SNTG1: variants seen among roughly 807,000 people sequenced by gnomAD.
SNTG1 encodes the protein gamma-1-syntrophin.
SNTG1 carries 39 observed loss-of-function variants against 74.7 expected under a neutral mutation model. The observed-to-expected ratio is 0.52, with a 90% confidence interval of 0.40 to 0.68. The LOEUF (loss-of-function observed/expected upper bound fraction) is 0.68, where lower values mean the gene tolerates loss of function less well. SNTG1 is among the 30% of genes least tolerant of loss of function. The pLI, the probability that SNTG1 is intolerant of heterozygous loss-of-function variation, is 0.00. For synonymous variants in SNTG1, 254 were observed against 217.1 expected (o/e 1.17, Z -1.49); for missense variants, 685 against 609.5 (o/e 1.12, Z -1.30).
At chr8:50,612,396 A>G (rs1005600666) in intron 13 of SNTG1, among the ~76,000 whole-genome samples, 1 of 152,208 alleles carries the variant, frequency 6.6e-6, no homozygotes, top group African/African-American at 2.4e-5. Flanking sequence ...CTAAACATAT[A>G]ATTTTATTAA....
intron 1 of SNTG1, among the ~76,000 whole-genome samples, chr8:50,081,864 C>T (rs2131083837): frequency 6.6e-6 from 1 of 152,148 alleles, no homozygotes; most frequent in East Asian, 1.9e-4. Context: ...ATCTCTTGAC[C>T]TCGAGATCCA....
intron 18 of SNTG1, among the ~76,000 whole-genome samples, chr8:50,755,364 C>G (rs2095577806): frequency 6.6e-6 from 1 of 151,738 alleles, no homozygotes; most frequent in Non-Finnish European, 1.5e-5. Context: ...AATAGTTACC[C>G]TTTTCATATT....
intron 15 of SNTG1, among the ~76,000 whole-genome samples, chr8:50,689,105 C>A (rs963413864): frequency 1.6e-4 from 22 of 139,706 alleles, no homozygotes; most frequent in African/African-American, 5.7e-4. Context: ...GATTTTGTAT[C>A]CTGAGACTTT....
At chr8:50,082,228 G>A (rs1427433250) in intron 1 of SNTG1, among the ~76,000 whole-genome samples, 1 of 152,102 alleles carries the variant, frequency 6.6e-6, no homozygotes, top group African/African-American at 2.4e-5. Flanking sequence ...TATAATAGCT[G>A]CCTTGAAGTC....
chr8:50,605,551 C>A (rs760054078), intron 13 of SNTG1, among the ~76,000 whole-genome samples: 1 of 152,104 alleles, frequency 6.6e-6, no homozygotes, highest in African/African-American at 2.4e-5. Context: ...GCCCGCCAGT[C>A]GCTGTGCTAG....
At chr8:50,136,771 G>C (rs926567118) in intron 1 of SNTG1, among the ~76,000 whole-genome samples, 2 of 152,058 alleles carry the variant, frequency 1.3e-5, no homozygotes, top group Non-Finnish European at 2.9e-5. Flanking sequence ...GACATCATGT[G>C]AAACAGACCT....
intron 1 of SNTG1, among the ~76,000 whole-genome samples, chr8:49,924,694 G>A (rs1806859738): frequency 6.6e-6 from 1 of 151,488 alleles, no homozygotes; most frequent in African/African-American, 2.4e-5. Context: ...ACTCCAAAAA[G>A]GCTAAAGAAA....
chr8:50,507,401 G>A (rs1384186887), intron 9 of SNTG1, among the ~76,000 whole-genome samples: 1 of 152,076 alleles, frequency 6.6e-6, no homozygotes, highest in Non-Finnish European at 1.5e-5. Flanking sequence ...AAAGATCAGT[G>A]CTAATTCCTC....
chr8:50,194,781 A>AT (rs909648139), intron 2 of SNTG1, among the ~76,000 whole-genome samples: 7 of 150,436 alleles, frequency 4.7e-5, no homozygotes, highest in South Asian at 2.1e-4. Flanking sequence ...GTGCTCTTTC[A>AT]TTTTTTTTGA....
At chr8:50,589,265 AC>A (rs1446136875) in intron 12 of SNTG1, among the ~76,000 whole-genome samples, 4 of 152,200 alleles carry the variant, frequency 2.6e-5, no homozygotes, top group Non-Finnish European at 5.9e-5. Context: ...AGGGAAACTA[AC>A]AAAAACAAAA....
chr8:50,446,699 A>G (rs2093411385), intron 5 of SNTG1, among the ~76,000 whole-genome samples: 3 of 152,132 alleles, frequency 2.0e-5, no homozygotes, highest in African/African-American at 7.2e-5. Context: ...TAAAAACAGA[A>G]AACCAAAAAC....
chr8:50,785,771 AG>A (rs1359342238), intron 18 of SNTG1, among the ~76,000 whole-genome samples: 3 of 152,018 alleles, frequency 2.0e-5, no homozygotes, highest in Non-Finnish European at 4.4e-5. Flanking sequence ...TTTAACAGAA[AG>A]CTTGCAAACC....
chr8:50,626,792 T>C (rs2094959351), intron 13 of SNTG1, among the ~76,000 whole-genome samples: 1 of 152,176 alleles, frequency 6.6e-6, no homozygotes, highest in Non-Finnish European at 1.5e-5. Context: ...ATCAGGAACA[T>C]GTCAGTGCAG....
intron 2 of SNTG1, among the ~76,000 whole-genome samples, chr8:50,359,013 A>G (rs1195776525): frequency 6.6e-6 from 1 of 152,180 alleles, no homozygotes; most frequent in Non-Finnish European, 1.5e-5. Context: ...GTTGCTGATC[A>G]TCTAAAGACA....
chr8:50,307,771 T>C (rs2089960422), intron 2 of SNTG1, among the ~76,000 whole-genome samples: 1 of 151,680 alleles, frequency 6.6e-6, no homozygotes, highest in Non-Finnish European at 1.5e-5. Flanking sequence ...AATTCAATTA[T>C]AACTTCTTTC....
intron 16 of SNTG1, chr8:50,708,029 C>T (rs1407727446): frequency 6.7e-5 from 19 of 282,490 alleles, no homozygotes; most frequent in Admixed American, 4.7e-4. Context: ...GGTGAAACCC[C>T]GTCTCTACTA....
chr8:50,149,066 T>C (rs990633348), intron 1 of SNTG1, among the ~76,000 whole-genome samples: 15 of 152,210 alleles, frequency 9.9e-5, no homozygotes, highest in African/African-American at 3.6e-4. Context: ...ACCTGTAGTT[T>C]CCTGACTCTT....
chr8:49,938,603 T>TTTTCTTTTCTTTTCTTTTCTTTC, intron 1 of SNTG1, among the ~76,000 whole-genome samples: 12 of 74,752 alleles, frequency 1.6e-4, no homozygotes, highest in Non-Finnish European at 2.2e-4. Context: ...TTTTCTTTTC[T>TTTTCTTTTCTTTTCTTTTCTTTC]TTTCTTTCTT....
At chr8:50,004,969 T>C (rs549165900) in intron 1 of SNTG1, among the ~76,000 whole-genome samples, 1 of 152,342 alleles carries the variant, frequency 6.6e-6, no homozygotes, top group Admixed American at 6.5e-5. Flanking sequence ...TGACTGTTGA[T>C]TTCCATTAGT....
Sources: gnomAD v4.1 joint callset for allele counts (sites outside exome capture counted in the v4.1 genomes callset) on GRCh38, gnomAD v4.1.1 for gene constraint, MANE v1.5 for transcripts, NCBI Gene and HGNC (gene_info 2026-07-23, HGNC 2026-07-21) for gene names.